The following AASS variants were observed in gnomAD, a reference collection of about 807,000 sequenced individuals.
AASS encodes the protein alpha-aminoadipic semialdehyde synthase, mitochondrial.
In AASS, 86 loss-of-function variants were observed where a neutral mutation model predicts 105.4. That is an observed-to-expected ratio of 0.82 (90% CI 0.69 to 0.98). AASS has a LOEUF of 0.98. Among genes scored for constraint, AASS ranks in the 50% least tolerant of loss-of-function variants. The pLI, the probability that AASS is intolerant of heterozygous loss-of-function variation, is 0.00. For synonymous variants in AASS, 381 were observed against 394.8 expected (o/e 0.96, Z 0.41); for missense variants, 1,048 against 1,143.2 (o/e 0.92, Z 1.20).
intron 4 of AASS, among the ~76,000 whole-genome samples, chr7:122,121,045 GTTC>G (rs1412183797): frequency 1.3e-5 from 2 of 151,646 alleles, no homozygotes; most frequent in Admixed American, 6.6e-5. Flanking sequence ...TGCTGTTTGT[GTTC>G]TTATTTCATT....
chr7:122,113,649 A>G lies in AASS; in HGVS notation c.1115T>C (p.Ile372Thr), dbSNP rs1227875482. ...ATCATACATGCAAAAGGGATGCTCTATTGTTGTACACTCAGTCATAAACTC... is the reference window on the plus strand; with the variant it reads ...ATCATACATGCAAAAGGGATGCTCTGTTGTTGTACACTCAGTCATAAACTC... ...SIEFMTECTTIEHPFCMYDAD... is the reference protein window; with the variant it reads ...SIEFMTECTTTEHPFCMYDAD... Residue 372 changes from isoleucine (I) to threonine (T), a missense_variant, in exon 10 of 24, where the codon ATA becomes ACA. Ile to Thr is a moderately conservative substitution (Grantham distance 89). Coordinates refer to ENST00000417368, the MANE Select transcript of AASS (RefSeq NM_005763.4). 1 of 1,613,750 alleles carries G rather than the reference A, an allele frequency of 6.2e-7. No individual in the cohort carries two copies. Among genetic ancestry groups the G allele is most frequent in the Non-Finnish European group, 8.5e-7 (1 of 1,179,930 alleles).
chr7:122,082,909 G>T (rs1331796563), intron 19 of AASS: 31 of 1,236,932 alleles, frequency 2.5e-5, no homozygotes, highest in Non-Finnish European at 3.3e-5. Context: ...AGAACAAATG[G>T]CTGGATAAAT....
rs773274364 is a variant in AASS at position 122,091,686 on chromosome 7, T to TGG, written c.2016+15_2016+16dup. The TGG allele has an allele frequency of 1.2e-6, 2 of 1,613,344 alleles. No individual in the cohort carries two copies. Among genetic ancestry groups the TGG allele is most frequent in the South Asian group, 2.2e-5 (2 of 91,066 alleles). On this transcript the variant is annotated intron_variant, in intron 18 of 23. Coordinates refer to ENST00000417368, the MANE Select transcript of AASS (RefSeq NM_005763.4). ...TATTGCAGGTTGATATCACTATGCT[T>TGG]GGATAAGATTCCTCACCTTTCCATC...
chr7:122,091,834 A>T lies in AASS; in HGVS notation c.1885T>A (p.Tyr629Asn), dbSNP rs751792587. Reference protein sequence around the residue: ...AKEVGATIESYISYCGGLPAP... With the variant: ...AKEVGATIESNISYCGGLPAP... Reference sequence around the variant, plus strand: ...GGAAGCCCACCACAGTAGGAAATATATGATTCAATCTATAAATTAAAGAAT... The same window carrying T: ...GGAAGCCCACCACAGTAGGAAATATTTGATTCAATCTATAAATTAAAGAAT... The change falls in exon 18 of 24, where the codon TAT becomes AAT. Residue 629 changes from tyrosine (Y) to asparagine (N), a missense_variant. Coordinates refer to ENST00000417368, the MANE Select transcript of AASS (RefSeq NM_005763.4). 6.2e-7 allele frequency: 1 copy of T among 1,602,652 alleles called. No homozygotes were observed. The highest frequency in any genetic ancestry group is 1.3e-5 in the African/African-American group (1 of 74,662).
At chr7:122,078,275 G>A (rs1216341445) in intron 22 of AASS, among the ~76,000 whole-genome samples, 1 of 151,982 alleles carries the variant, frequency 6.6e-6, no homozygotes, top group African/African-American at 2.4e-5. Flanking sequence ...AGGCCTTTTA[G>A]TGTGCTCCAA....
At chr7:122,130,703 G>C (rs184644929) in intron 2 of AASS, among the ~76,000 whole-genome samples, 217 of 152,026 alleles carry the variant, frequency 1.4e-3, no homozygotes, top group Non-Finnish European at 2.4e-3. Flanking sequence ...AGTTTAGTTA[G>C]GAATCTACCT....
rs780517529 is a variant in AASS, at chr7:122,098,807, C to T, written c.1466G>A (p.Gly489Asp). ...TRRKVLVLGS[G>D]YISEPVLEYL... ...TTCTAATACAGGCTCAGATATGTAG[C>T]CAGATCCAAGAACCAAAACCTTTCT... Residue 489 changes from glycine to aspartate, a missense_variant, in exon 14 of 24, where the codon GGC (glycine) becomes GAC (aspartate). Physicochemically the swap from Gly to Asp is moderately conservative, Grantham distance 94. Transcript: ENST00000417368. The T allele has an allele frequency of 6.2e-7, 1 of 1,605,058 alleles. No homozygotes were observed. The highest frequency in any genetic ancestry group is 1.1e-5 in the South Asian group (1 of 90,140).
intron 22 of AASS, among the ~76,000 whole-genome samples, chr7:122,078,379 T>C (rs184982255): frequency 4.0e-5 from 6 of 151,622 alleles, no homozygotes; most frequent in African/African-American, 1.5e-4. Context: ...TTTGGGAGGC[T>C]AAGGTGGGCG....
At position 122,133,675 on chromosome 7, in the gene AASS, T is replaced by C; in HGVS notation, c.52A>G (p.Lys18Glu). Residue 18 changes from lysine to glutamate, a missense_variant, in exon 2 of 24, where the codon AAG becomes GAG. By Grantham distance (56) the Lys-to-Glu change is moderately conservative. Transcript: ENST00000417368. ...AACACAGCTTTGTGGTGAAGACCCT[T>C]GGAGAGGCTGACCCCCAGCCTGCCC... ...GLGRLGVSLS[K>E]GLHHKAVLAV... The C allele has an allele frequency of 6.2e-7, 1 of 1,614,146 alleles. No homozygotes were observed. The highest frequency in any genetic ancestry group is 8.5e-7 in the Non-Finnish European group (1 of 1,180,028).
At chr7:122,137,704 T>C (rs563850080) in intron 1 of AASS, among the ~76,000 whole-genome samples, 2 of 152,316 alleles carry the variant, frequency 1.3e-5, no homozygotes, top group South Asian at 2.1e-4. Flanking sequence ...AATTTCTGAA[T>C]TGCACTGCAG....
intron 19 of AASS, chr7:122,082,800 G>A (rs1438446260): frequency 7.8e-7 from 1 of 1,287,772 alleles, no homozygotes; most frequent in Non-Finnish European, 1.0e-6. Flanking sequence ...AGATGGGGCT[G>A]GGTGGTTCAA....
At chr7:122,139,543 A>G (rs1796293843) in intron 1 of AASS, among the ~76,000 whole-genome samples, 2 of 152,128 alleles carry the variant, frequency 1.3e-5, no homozygotes, top group Admixed American at 6.6e-5. Flanking sequence ...ACTATTATGT[A>G]TTTTTATGAC....
chr7:122,079,862 C>T, intron 20 of AASS, 150 bp from the exon 21 acceptor site: 1 of 646,286 alleles, frequency 1.5e-6, no homozygotes, highest in South Asian at 1.8e-5. Context: ...GTAACACATA[C>T]ACACACATAC....
chr7:122,096,334 T>G (rs1794153276), intron 15 of AASS, among the ~76,000 whole-genome samples: 1 of 151,964 alleles, frequency 6.6e-6, no homozygotes, highest in Non-Finnish European at 1.5e-5. Flanking sequence ...TTCCCCAACT[T>G]AAAAAATAAA....
chr7:122,121,183 T>A, intron 4 of AASS, among the ~76,000 whole-genome samples: 1 of 152,144 alleles, frequency 6.6e-6, no homozygotes. Context: ...TTAATCATTG[T>A]TCTAGGTTAC....
At chr7:122,115,037 G>A (rs777125182) in intron 9 of AASS, 37 bp downstream of exon 9, 16 of 1,613,836 alleles carry the variant, frequency 9.9e-6, no homozygotes, top group Middle Eastern at 1.7e-4. Flanking sequence ...GAAGCAGCTG[G>A]TCAAAACTAC....
rs1562893626 is a variant in AASS, at chr7:122,073,696, CA to C, written c.*2792del. Among the ~76,000 whole-genome samples the C allele has an allele frequency of 1.3e-5, 2 of 152,212 alleles. No homozygotes were observed. Among genetic ancestry groups the C allele is most frequent in the East Asian group, 1.9e-4 (1 of 5,182 alleles). On this transcript the variant is annotated 3_prime_UTR_variant, in exon 24 of 24. Coordinates refer to ENST00000417368, the MANE Select transcript of AASS (RefSeq NM_005763.4). ...CAACTTTACAACGTTTACATCACCC[CA>C]AAAAAGAAACCCCATACTAATTAGC... is the stretch of plus-strand genomic sequence containing the variant.
chr7:122,127,007 T>A (rs1246844011), intron 3 of AASS, among the ~76,000 whole-genome samples: 1 of 152,110 alleles, frequency 6.6e-6, no homozygotes, highest in Non-Finnish European at 1.5e-5. Flanking sequence ...ACCTGGGAAA[T>A]AACACTCTCT....
chr7:122,125,082 G>T (rs1179022446), intron 4 of AASS, among the ~76,000 whole-genome samples: 1 of 151,936 alleles, frequency 6.6e-6, no homozygotes, highest in African/African-American at 2.4e-5. Flanking sequence ...ACCACCAACG[G>T]CTAATTTTTG....
Sources: gnomAD v4.1 joint callset for allele counts (sites outside exome capture counted in the v4.1 genomes callset) on GRCh38, gnomAD v4.1.1 for gene constraint, MANE v1.5 for transcripts, NCBI Gene and HGNC (gene_info 2026-07-23, HGNC 2026-07-21) for gene names.